Variants in PSORS1C1 observed in about 807,000 individuals in gnomAD.
PSORS1C1 encodes psoriasis susceptibility 1 candidate 1, also known as psoriasis susceptibility 1 candidate gene 1 protein.
A neutral mutation model predicts 9.4 loss-of-function variants in PSORS1C1; 7 were observed. That is an observed-to-expected ratio of 0.75 (90% CI 0.42 to 1.40). The LOEUF (loss-of-function observed/expected upper bound fraction) is 1.40. PSORS1C1 is among the 40% of genes most tolerant of loss of function. The pLI, the probability that PSORS1C1 is intolerant of heterozygous loss-of-function variation, is 0.01. For synonymous variants in PSORS1C1, 63 were observed against 69.4 expected (o/e 0.91, Z 0.46); for missense variants, 146 against 178.1 (o/e 0.82, Z 1.02).
intron 1 of PSORS1C1, among the ~76,000 whole-genome samples, chr6:31,123,034 G>A (rs1489935223): frequency 6.6e-6 from 1 of 152,190 alleles, no homozygotes; most frequent in Non-Finnish European, 1.5e-5. Flanking sequence ...CCAGCCAGAG[G>A]TAGCAAAGTT....
intron 2 of PSORS1C1, among the ~76,000 whole-genome samples, chr6:31,129,155 G>A (rs145385950): frequency 1.6e-3 from 248 of 151,796 alleles, no homozygotes; most frequent in African/African-American, 5.6e-3. Context: ...AGATTTTACC[G>A]TGATACTAGT....
At chr6:31,116,427 A>G in intron 1 of PSORS1C1, 1 of 1,591,170 alleles carries the variant, frequency 6.3e-7, no homozygotes, top group Non-Finnish European at 8.6e-7. Context: ...TGGGGACTCG[A>G]GAACTGGAGG....
intron 5 of PSORS1C1, 26 bp downstream of exon 5, chr6:31,138,805 C>G (rs758868096): frequency 6.2e-7 from 1 of 1,613,970 alleles, no homozygotes. Flanking sequence ...ACCTTCTGCA[C>G]CATGTCCCCC....
At chr6:31,135,067 C>T (rs1773084251) in intron 3 of PSORS1C1, among the ~76,000 whole-genome samples, 1 of 150,764 alleles carries the variant, frequency 6.6e-6, no homozygotes, top group Non-Finnish European at 1.5e-5. Context: ...CCACCCGATT[C>T]GGCCTCCCGA....
Position 31,128,161 on chromosome 6 carries a change from G to A in PSORS1C1, c.-64-1408G>A, listed in dbSNP as rs886459576. The stretch of plus-strand genomic sequence containing the variant: ...CGCCTCACATGCCTGGCTCACCTTA[G>A]AACGGTCACCTTGACGGCTAAAGGG... On this transcript the variant is annotated intron_variant, in intron 2 of 5. Transcript: ENST00000259881. This position sits in a 1 kb window ranked among gnomAD's most constrained non-coding sequence, Gnocchi z 4.3. Among the ~76,000 whole-genome samples the A allele has an allele frequency of 1.3e-5, 2 of 152,238 alleles. No individual in the cohort carries two copies. Among genetic ancestry groups the A allele is most frequent in the African/African-American group, 4.8e-5 (2 of 41,464 alleles).
chr6:31,139,154 T>C lies in PSORS1C1; in HGVS notation c.167+375T>C. The stretch of plus-strand genomic sequence containing the variant: ...CACAGGAATACCATCAGAACAGAAC[T>C]GGTCAAACCCGTTGGGAAGGCCTGG... On this transcript the variant is annotated intron_variant, in intron 5 of 5. Transcript: ENST00000259881. This position sits in a 1 kb window ranked among gnomAD's most constrained non-coding sequence, Gnocchi z 5.2. The C allele has an allele frequency of 1.4e-6, 1 of 724,392 alleles. No individual in the cohort carries two copies. The highest frequency in any genetic ancestry group is 2.4e-6 in the Non-Finnish European group (1 of 425,126). The allele number at this position is 724,392 out of a possible 1,614,324, so 44.9% of individuals were successfully genotyped here. A position where few individuals can be genotyped will look rare whatever the true frequency, so the allele number is the denominator to read the frequency against.
At chr6:31,117,469 G>T in intron 1 of PSORS1C1, 1 of 1,553,590 alleles carries the variant, frequency 6.4e-7, no homozygotes, top group Non-Finnish European at 8.7e-7. Context: ...GTTAGGGGAG[G>T]TGATACGCGT....
At chr6:31,133,868 G>T (rs1356856394) in intron 3 of PSORS1C1, among the ~76,000 whole-genome samples, 1 of 152,208 alleles carries the variant, frequency 6.6e-6, no homozygotes, top group Admixed American at 6.5e-5. Context: ...ATCCAGTCCA[G>T]CTTGGGGCCT....
Position 31,117,606 on chromosome 6 carries a change from A to C in PSORS1C1, c.-229+2715A>C. Reference sequence around the variant, plus strand: ...CTCACCTTTCTGCCTTATCTCAGTCATCGGCCTCTCGGGTTTCTCCCAAGC... The same window carrying C: ...CTCACCTTTCTGCCTTATCTCAGTCCTCGGCCTCTCGGGTTTCTCCCAAGC... On this transcript the variant is annotated intron_variant, in intron 1 of 5. Coordinates refer to ENST00000259881, the MANE Select transcript of PSORS1C1 (RefSeq NM_014068.3). 13 of 1,250,568 alleles carry C rather than the reference A, an allele frequency of 1.0e-5. No homozygotes were observed. In the Middle Eastern group the frequency reaches 2.6e-3, roughly 254 times the overall value. 77.5% of individuals were successfully genotyped at this position (1,250,568 alleles called of 1,614,324 possible).
At chr6:31,116,055 T>C (rs772973219) in intron 1 of PSORS1C1, 4 of 1,611,754 alleles carry the variant, frequency 2.5e-6, no homozygotes, top group South Asian at 1.1e-5. Context: ...CTCCTTGGGG[T>C]AGGAAAACTT....
chr6:31,132,879 G>A (rs1379107787), intron 3 of PSORS1C1, among the ~76,000 whole-genome samples: 2 of 151,792 alleles, frequency 1.3e-5, no homozygotes, highest in Admixed American at 6.6e-5. Context: ...AGGGTGGGGA[G>A]GAGTGGAAAG....
At chr6:31,133,887 C>A (rs148983548) in intron 3 of PSORS1C1, among the ~76,000 whole-genome samples, 1 of 152,314 alleles carries the variant, frequency 6.6e-6, no homozygotes, top group African/African-American at 2.4e-5. Flanking sequence ...CTATTTAATT[C>A]TACTAGGCTC....
At chr6:31,122,347 C>A (rs1167208074) in intron 1 of PSORS1C1, among the ~76,000 whole-genome samples, 1 of 152,182 alleles carries the variant, frequency 6.6e-6, no homozygotes, top group Non-Finnish European at 1.5e-5. Flanking sequence ...GACAAATAGG[C>A]CAGCTTCACC....
At chr6:31,133,010 A>G in intron 3 of PSORS1C1, among the ~76,000 whole-genome samples, 1 of 145,962 alleles carries the variant, frequency 6.9e-6, no homozygotes, top group East Asian at 2.1e-4. Flanking sequence ...GGGCTGGGGG[A>G]GTGGGAGGGT....
In PSORS1C1 at chr6:31,138,662, A is replaced by G; in HGVS notation, c.50A>G (p.Gln17Arg). 6.2e-7 allele frequency: 1 copy of G among 1,613,296 alleles called. No individual in the cohort carries two copies. Among genetic ancestry groups the G allele is most frequent in the Non-Finnish European group, 8.5e-7 (1 of 1,179,978 alleles). ...GTTACACCTTGGCCCCCAGGCACACAGACCCCAGCTTTACAAGGACCCCAG... is the reference window on the plus strand; with the variant it reads ...GTTACACCTTGGCCCCCAGGCACACGGACCCCAGCTTTACAAGGACCCCAG... ...KSHSQRALGT[Q>R]TPALQGPQLL... Residue 17 changes from glutamine (Q) to arginine (R), a missense_variant, in exon 5 of 6, where the codon CAG becomes CGG. Physicochemically the swap from Gln to Arg is conservative, Grantham distance 43 (BLOSUM62 1). Transcript: ENST00000259881.
rs1773345481 is a variant in PSORS1C1 at position 31,139,635 on chromosome 6, C to T, written c.168-6C>T. On this transcript the variant is annotated splice_polypyrimidine_tract_variant and splice_region_variant and intron_variant, in intron 5 of 5. Transcript: ENST00000259881. The surrounding 1 kb of genome is among the most constrained non-coding windows in gnomAD (Gnocchi z 5.2). ...GCATCCTGCTCTCCACCATGTCCTT[C>T]TTCAGGCATGCAGGGGACCTCCAAG... is the stretch of plus-strand genomic sequence containing the variant. The T allele has an allele frequency of 1.9e-6, 3 of 1,609,544 alleles. No homozygotes were observed. The South Asian group carries it at 3.3e-5, about 18-fold the overall frequency.
intron 3 of PSORS1C1, among the ~76,000 whole-genome samples, chr6:31,132,414 C>G (rs980890117): frequency 7.9e-6 from 1 of 126,650 alleles, no homozygotes; most frequent in African/African-American, 2.7e-5. Flanking sequence ...CCCAGCTACT[C>G]AGGAAGCAGA....
chr6:31,119,825 G>A (rs557721174), intron 1 of PSORS1C1, among the ~76,000 whole-genome samples: 74 of 152,294 alleles, frequency 4.9e-4, no homozygotes, highest in African/African-American at 1.7e-3. Context: ...AGAGTCGCTT[G>A]AACCTGAGAG....
intron 1 of PSORS1C1, chr6:31,120,367 A>G (rs1316105991): frequency 6.3e-7 from 1 of 1,593,860 alleles, no homozygotes; most frequent in Admixed American, 1.7e-5. Flanking sequence ...CAGCAGTGCC[A>G]TCATCCCGTG....
Sources: allele counts gnomAD v4.1 joint callset (sites outside exome capture counted in the v4.1 genomes callset), GRCh38; gene constraint gnomAD v4.1.1; non-coding constraint Gnocchi (gnomAD v3.1); transcripts MANE v1.5; gene names NCBI Gene and HGNC (gene_info 2026-07-23, HGNC 2026-07-21).